The following SEZ6L variants were observed in gnomAD, a reference collection of about 807,000 sequenced individuals.
SEZ6L encodes the protein seizure 6-like protein.
In SEZ6L, 37 loss-of-function variants were observed where a neutral mutation model predicts 106.2. The observed-to-expected ratio is 0.35, with a 90% confidence interval of 0.27 to 0.46. SEZ6L has a LOEUF of 0.46. SEZ6L is among the 20% of genes least tolerant of loss of function. SEZ6L has a pLI of 1.00. For synonymous variants in SEZ6L, 541 were observed against 570.4 expected (o/e 0.95, Z 0.73); for missense variants, 1,172 against 1,332.8 (o/e 0.88, Z 1.88).
chr22:26,369,570 G>A (rs1216219982), intron 13 of SEZ6L, among the ~76,000 whole-genome samples: 1 of 151,700 alleles, frequency 6.6e-6, no homozygotes, highest in Non-Finnish European at 1.5e-5. Flanking sequence ...TCGATCTCCT[G>A]ACCTCGTGAT....
chr22:26,263,363 C>G (rs562284108), intron 1 of SEZ6L, among the ~76,000 whole-genome samples: 2 of 152,338 alleles, frequency 1.3e-5, no homozygotes, highest in African/African-American at 4.8e-5. Context: ...TGGAGATATG[C>G]AAGTGCGCTT....
intron 1 of SEZ6L, among the ~76,000 whole-genome samples, chr22:26,262,488 C>G (rs2080047422): frequency 6.6e-6 from 1 of 152,188 alleles, no homozygotes; most frequent in Non-Finnish European, 1.5e-5. Flanking sequence ...GTATTTAGTA[C>G]ATAGCCTTTT....
chr22:26,379,570 A>G (rs561675420), intron 16 of SEZ6L, among the ~76,000 whole-genome samples: 28 of 152,366 alleles, frequency 1.8e-4, no homozygotes, highest in African/African-American at 6.3e-4. Flanking sequence ...GCCTTCTTCT[A>G]TCTCCTTGCT....
intron 10 of SEZ6L, among the ~76,000 whole-genome samples, chr22:26,347,292 A>G (rs1177036250): frequency 6.6e-6 from 1 of 152,182 alleles, no homozygotes; most frequent in Non-Finnish European, 1.5e-5. Context: ...AAAATTTTTA[A>G]AAGAGTGTAA....
At chr22:26,267,702 G>T (rs2080234630) in intron 1 of SEZ6L, among the ~76,000 whole-genome samples, 1 of 152,196 alleles carries the variant, frequency 6.6e-6, no homozygotes, top group African/African-American at 2.4e-5. Context: ...CTTAATTTTT[G>T]AGGCGTATTT....
chr22:26,245,015 G>T (rs1053062951), intron 1 of SEZ6L, among the ~76,000 whole-genome samples: 2 of 152,194 alleles, frequency 1.3e-5, no homozygotes, highest in African/African-American at 4.8e-5. Context: ...TGGGCAGCAC[G>T]CAAGGATGGG....
chr22:26,324,494 A>G (rs918929256), intron 9 of SEZ6L, among the ~76,000 whole-genome samples: 9 of 152,238 alleles, frequency 5.9e-5, no homozygotes, highest in Admixed American at 1.3e-4. Flanking sequence ...GAGGCACTTC[A>G]GTTCTTCAAA....
At chr22:26,217,669 T>C (rs1290775926) in intron 1 of SEZ6L, among the ~76,000 whole-genome samples, 1 of 152,242 alleles carries the variant, frequency 6.6e-6, no homozygotes, top group African/African-American at 2.4e-5. Flanking sequence ...GGCCTCACTC[T>C]TCCAATCTGT....
In SEZ6L at chr22:26,382,010, A is replaced by G. The variant is rs1329914688; in HGVS notation, c.*1715A>G. Reference sequence around the variant, plus strand: ...TAGGGAAAGTTGATTTTAGGCACACATGTACCCTCCTTGACAGCAGGAACT... The same window carrying G: ...TAGGGAAAGTTGATTTTAGGCACACGTGTACCCTCCTTGACAGCAGGAACT... On this transcript the variant is annotated 3_prime_UTR_variant, in exon 17 of 17. Transcript: ENST00000248933. 3.9e-6 allele frequency: 2 copies of G among 518,676 alleles called. No homozygotes were observed. Among genetic ancestry groups the G allele is most frequent in the African/African-American group, 3.9e-5 (2 of 51,944 alleles). The allele number at this position is 518,676 out of a possible 1,614,324, so 32.1% of individuals were successfully genotyped here.
Position 26,381,998 on chromosome 22 carries a change from T to C in SEZ6L, c.*1703T>C, listed in dbSNP as rs751992654. On this transcript the variant is annotated 3_prime_UTR_variant, in exon 17 of 17. Transcript: ENST00000248933. ...TCTTAAGCAAGATAGGGAAAGTTGA[T>C]TTTAGGCACACATGTACCCTCCTTG... 1 of 518,276 alleles carries C rather than the reference T, an allele frequency of 1.9e-6. No homozygotes were observed. The highest frequency in any genetic ancestry group is 3.9e-6 in the Non-Finnish European group (1 of 259,504). 32.1% of individuals were successfully genotyped at this position (518,276 alleles called of 1,614,324 possible).
chr22:26,379,465 C>A (rs939271026), intron 16 of SEZ6L, among the ~76,000 whole-genome samples: 6 of 152,264 alleles, frequency 3.9e-5, no homozygotes, highest in Non-Finnish European at 7.3e-5. Flanking sequence ...ATCCCATGTA[C>A]CATGAAGCAT....
intron 1 of SEZ6L, among the ~76,000 whole-genome samples, chr22:26,239,285 C>T (rs1174413879): frequency 6.6e-6 from 1 of 152,132 alleles, no homozygotes; most frequent in African/African-American, 2.4e-5. Flanking sequence ...AGGGCTGTGG[C>T]TTTAGGTCCC....
chr22:26,286,970 A>G (rs1209615086), intron 1 of SEZ6L, among the ~76,000 whole-genome samples: 1 of 149,414 alleles, frequency 6.7e-6, no homozygotes, highest in East Asian at 2.0e-4. Flanking sequence ...CTGGTTTCCA[A>G]CTCCTGACCT....
At chr22:26,232,300 A>G (rs2078821864) in intron 1 of SEZ6L, among the ~76,000 whole-genome samples, 1 of 149,064 alleles carries the variant, frequency 6.7e-6, no homozygotes, top group African/African-American at 2.5e-5. Context: ...AACTCTGAGG[A>G]CCCTCCTGCC....
chr22:26,381,914 C>A lies in SEZ6L; in HGVS notation c.*1619C>A, dbSNP rs982764465. On this transcript the variant is annotated 3_prime_UTR_variant, in exon 17 of 17. Transcript: ENST00000248933. The stretch of plus-strand genomic sequence containing the variant: ...TGCTGGTTTTCAAACAAGAAAAGAC[C>A]TTTCTGGCCATAGGGAGAATAGCAG... The A allele has an allele frequency of 2.3e-6, 1 of 443,822 alleles. No individual in the cohort carries two copies. The highest frequency in any genetic ancestry group is 2.0e-5 in the African/African-American group (1 of 48,886). 27.5% of individuals were successfully genotyped at this position (443,822 alleles called of 1,614,324 possible).
intron 6 of SEZ6L, among the ~76,000 whole-genome samples, chr22:26,307,831 G>A (rs2081682413): frequency 6.6e-6 from 1 of 152,124 alleles, no homozygotes; most frequent in Non-Finnish European, 1.5e-5. Context: ...AATTAGCAGA[G>A]ACAAAAGAAT....
chr22:26,322,566 A>C (rs2082186570), intron 9 of SEZ6L, among the ~76,000 whole-genome samples: 1 of 152,238 alleles, frequency 6.6e-6, no homozygotes, highest in Non-Finnish European at 1.5e-5. Flanking sequence ...GACATCCAGA[A>C]GGAATCTTGA....
intron 13 of SEZ6L, among the ~76,000 whole-genome samples, chr22:26,367,915 A>G (rs528285507): frequency 1.3e-5 from 2 of 152,222 alleles, no homozygotes; most frequent in Non-Finnish European, 2.9e-5. Context: ...AGAAAATTGC[A>G]TCTTAGAATC....
At chr22:26,320,373 C>T (rs1426728635) in intron 9 of SEZ6L, among the ~76,000 whole-genome samples, 2 of 152,174 alleles carry the variant, frequency 1.3e-5, no homozygotes, top group African/African-American at 2.4e-5. Flanking sequence ...TAAGGGGGGG[C>T]ATCGCCCTCC....
Sources: gnomAD v4.1 joint callset for allele counts (sites outside exome capture counted in the v4.1 genomes callset) on GRCh38, gnomAD v4.1.1 for gene constraint, MANE v1.5 for transcripts, NCBI Gene and HGNC (gene_info 2026-07-23, HGNC 2026-07-21) for gene names.